Variants in GRIK4 observed in about 807,000 individuals in gnomAD.
The protein encoded by GRIK4 is glutamate receptor ionotropic, kainate 4.
Under a neutral mutation model 104.9 loss-of-function variants are expected in GRIK4, and 40 were observed. The ratio of observed to expected loss-of-function variants is 0.38; its 90% CI spans 0.30 to 0.50. The LOEUF (loss-of-function observed/expected upper bound fraction) is 0.50, where lower values mean the gene tolerates loss of function less well. Ranked by LOEUF, GRIK4 falls within the 20% of genes least tolerant of loss-of-function variation. GRIK4 has a pLI of 0.93. For missense variants in GRIK4, 1,047 were observed against 1,308.1 expected, an observed-to-expected ratio of 0.80 and a Z score of 3.08; for synonymous variants, 485 against 524.9, an observed-to-expected ratio of 0.92 and a Z score of 1.04.
At chr11:120,875,766 A>G (rs1180876483) in intron 11 of GRIK4, among the ~76,000 whole-genome samples, 2 of 152,052 alleles carry the variant, frequency 1.3e-5, no homozygotes, top group East Asian at 1.9e-4. Flanking sequence ...CTTGTCCTTC[A>G]TAGTTCCTTT....
In GRIK4 at chr11:120,524,319, A is replaced by G. The variant is rs1490974036; in HGVS notation, c.-159+12432A>G. Among the ~76,000 whole-genome samples, 1 of 152,182 alleles carries G rather than the reference A, an allele frequency of 6.6e-6. No homozygotes were observed. The highest frequency in any genetic ancestry group is 1.5e-5 in the Non-Finnish European group (1 of 68,034). On this transcript the variant is annotated intron_variant, in intron 1 of 20. Coordinates refer to ENST00000527524, the MANE Select transcript of GRIK4 (RefSeq NM_014619.5). This position sits in a 1 kb window ranked among gnomAD's most constrained non-coding sequence, Gnocchi z 4.5. ...CTGCTTTGGTGAGCCGCTTGTCTGC[A>G]GAGGCCCTGGACTCTGGAGCCCTAG...
intron 3 of GRIK4, among the ~76,000 whole-genome samples, chr11:120,788,709 C>T (rs1952337574): frequency 6.6e-6 from 1 of 152,102 alleles, no homozygotes; most frequent in Admixed American, 6.5e-5. Flanking sequence ...CTGACTTTCT[C>T]TTTCCCTTCC....
At chr11:120,771,840 G>A (rs1949757573) in intron 3 of GRIK4, among the ~76,000 whole-genome samples, 1 of 152,262 alleles carries the variant, frequency 6.6e-6, no homozygotes, top group South Asian at 2.1e-4. Context: ...GCTCTTGAGA[G>A]CCATAGAGCT....
At chr11:120,749,724 A>G (rs929005556) in intron 3 of GRIK4, among the ~76,000 whole-genome samples, 3 of 152,158 alleles carry the variant, frequency 2.0e-5, no homozygotes, top group Non-Finnish European at 4.4e-5. Flanking sequence ...TTTGAAGGCC[A>G]GTTGTAGAGG....
intron 4 of GRIK4, among the ~76,000 whole-genome samples, chr11:120,809,148 G>A (rs1952775387): frequency 6.6e-6 from 1 of 152,210 alleles, no homozygotes; most frequent in Non-Finnish European, 1.5e-5. Context: ...GGGGAAAGGA[G>A]TAAGTTCCAC....
chr11:120,698,666 C>T (rs1950497829), intron 3 of GRIK4, among the ~76,000 whole-genome samples: 1 of 152,212 alleles, frequency 6.6e-6, no homozygotes, highest in Admixed American at 6.5e-5. Flanking sequence ...GCCCCTTCCC[C>T]CTGGCTCTGT....
rs893053147 is a variant in GRIK4 at position 120,967,472 on chromosome 11, G to A, written c.2395+149G>A. 2.4e-5 allele frequency: 18 copies of A among 764,790 alleles called. No homozygotes were observed. The highest frequency in any genetic ancestry group is 3.4e-5 in the Non-Finnish European group (17 of 497,762). 47.4% of individuals were successfully genotyped at this position (764,790 alleles called of 1,614,324 possible). The stretch of plus-strand genomic sequence containing the variant: ...CTAGGTATAAAGTGGGCTGGCGGGG[G>A]ATCAGGTCTGTCCCAGGGTCTTGCG... On this transcript the variant is annotated intron_variant, in intron 19 of 20. Coordinates refer to ENST00000527524, the MANE Select transcript of GRIK4 (RefSeq NM_014619.5). The surrounding 1 kb of genome is among the most constrained non-coding windows in gnomAD (Gnocchi z 4.2).
At chr11:120,739,209 C>T (rs186981243) in intron 3 of GRIK4, among the ~76,000 whole-genome samples, 215 of 152,290 alleles carry the variant, frequency 1.4e-3, no homozygotes, top group African/African-American at 5.0e-3. Context: ...ACCAGCCAGG[C>T]TTGATTTTCC....
At chr11:120,971,737 A>C (rs1189648167) in intron 19 of GRIK4, among the ~76,000 whole-genome samples, 2 of 152,196 alleles carry the variant, frequency 1.3e-5, no homozygotes, top group African/African-American at 4.8e-5. Context: ...AATTCTGTGG[A>C]ATGGTCAGGG....
intron 7 of GRIK4, 64 bp downstream of exon 7, chr11:120,832,094 G>A: frequency 8.4e-7 from 1 of 1,189,158 alleles, no homozygotes; most frequent in Non-Finnish European, 1.2e-6. Flanking sequence ...CTTGCCTTGA[G>A]GGTCCTCCTG....
At position 120,976,096 on chromosome 11, in the gene GRIK4, A is replaced by G. The variant is rs12289194; in HGVS notation, c.2396-6010A>G. Among the ~76,000 whole-genome samples the G allele has an allele frequency of 6.4e-3, 981 of 152,324 alleles. 7 individuals are homozygous for G. The highest frequency in any genetic ancestry group is 0.022 in the African/African-American group (933 of 41,562). On this transcript the variant is annotated intron_variant, in intron 19 of 20. Coordinates refer to ENST00000527524, the MANE Select transcript of GRIK4 (RefSeq NM_014619.5). ...TAGTTATGAAAACATGAACAACCTAAGTTCTCTGAATTTCTCTTTCTTTAA... is the reference window on the plus strand; with the variant it reads ...TAGTTATGAAAACATGAACAACCTAGGTTCTCTGAATTTCTCTTTCTTTAA...
chr11:120,956,955 TA>T lies in GRIK4; in HGVS notation c.1874+4del. The T allele has an allele frequency of 6.2e-7, 1 of 1,600,256 alleles. No individual in the cohort carries two copies. Among genetic ancestry groups the T allele is most frequent in the Non-Finnish European group, 8.5e-7 (1 of 1,172,954 alleles). The stretch of plus-strand genomic sequence containing the variant: ...CACCCGCTGTGTCAGTGGCGTCTGG[TA>T]AGGCCCCAGGCAGAGGTGAACCAGG... On this transcript the variant is annotated splice_donor_region_variant and intron_variant, in intron 16 of 20. Transcript: ENST00000527524. This position sits in a 1 kb window ranked among gnomAD's most constrained non-coding sequence, Gnocchi z 4.6.
intron 9 of GRIK4, among the ~76,000 whole-genome samples, chr11:120,863,371 T>C (rs556344415): frequency 2.6e-5 from 4 of 152,262 alleles, no homozygotes; most frequent in African/African-American, 4.8e-5. Flanking sequence ...CACTACACTA[T>C]ACCATATAGC....
chr11:120,835,389 G>A (rs2135571686), intron 7 of GRIK4, among the ~76,000 whole-genome samples: 1 of 152,292 alleles, frequency 6.6e-6, no homozygotes, highest in South Asian at 2.1e-4. Context: ...TTAGCCAGGT[G>A]TGGTCGTGGG....
intron 3 of GRIK4, among the ~76,000 whole-genome samples, chr11:120,676,553 A>G (rs2135276830): frequency 6.6e-6 from 1 of 152,316 alleles, no homozygotes; most frequent in African/African-American, 2.4e-5. Context: ...GCAAAGAGGG[A>G]AAAACCTGAC....
intron 3 of GRIK4, among the ~76,000 whole-genome samples, chr11:120,704,660 G>T (rs1950601466): frequency 6.6e-6 from 1 of 152,090 alleles, no homozygotes; most frequent in South Asian, 2.1e-4. Context: ...ATGGTATGTG[G>T]TCGGTAAATG....
At chr11:120,644,523 T>C (rs951950850) in intron 1 of GRIK4, among the ~76,000 whole-genome samples, 1 of 152,158 alleles carries the variant, frequency 6.6e-6, no homozygotes. Flanking sequence ...GGAGCTGGGA[T>C]TGGAACTCAG....
intron 3 of GRIK4, among the ~76,000 whole-genome samples, chr11:120,718,621 C>A (rs1480732971): frequency 6.6e-6 from 1 of 152,256 alleles, no homozygotes; most frequent in African/African-American, 2.4e-5. Flanking sequence ...GAGAATCCAA[C>A]ATGTATTGAG....
At chr11:120,512,386 C>G (rs1209590956) in intron 1 of GRIK4, among the ~76,000 whole-genome samples, 1 of 151,808 alleles carries the variant, frequency 6.6e-6, no homozygotes, top group East Asian at 2.0e-4. Context: ...CCCGGCTCAG[C>G]CTGGCATCCC....
Sources: allele counts gnomAD v4.1 joint callset (sites outside exome capture counted in the v4.1 genomes callset), GRCh38; gene constraint gnomAD v4.1.1; non-coding constraint Gnocchi (gnomAD v3.1); transcripts MANE v1.5; gene names NCBI Gene and HGNC (gene_info 2026-07-23, HGNC 2026-07-21).